The following CSMD1 variants were observed in gnomAD, a reference collection of about 807,000 sequenced individuals.
CSMD1 encodes CUB and sushi domain-containing protein 1.
A neutral mutation model predicts 417.5 loss-of-function variants in CSMD1; 213 were observed. That is an observed-to-expected ratio of 0.51 (90% CI 0.46 to 0.57). The LOEUF (loss-of-function observed/expected upper bound fraction) is 0.57. Among genes scored for constraint, CSMD1 ranks in the 20% least tolerant of loss-of-function variants. The pLI, the probability that CSMD1 is intolerant of heterozygous loss-of-function variation, is 0.00. For missense variants in CSMD1, 6,923 were observed against 4,529.7 expected, an observed-to-expected ratio of 1.53 and a Z score of -15.17; for synonymous variants, 2,862 against 1,736.8, an observed-to-expected ratio of 1.65 and a Z score of -16.11.
chr8:3,911,532 TAAA>T (rs1012148560), intron 5 of CSMD1, among the ~76,000 whole-genome samples: 3 of 114,200 alleles, frequency 2.6e-5, no homozygotes, highest in Non-Finnish European at 4.0e-5. Context: ...CGTCTCAAAA[TAAA>T]AAAAAAAAAA....
chr8:3,778,769 G>C (rs1374066803), intron 5 of CSMD1, among the ~76,000 whole-genome samples: 1 of 152,184 alleles, frequency 6.6e-6, no homozygotes, highest in African/African-American at 2.4e-5. Context: ...GCTTGTGATT[G>C]GGTATCATGG....
chr8:3,526,118 A>T (rs1234380766), intron 10 of CSMD1, among the ~76,000 whole-genome samples: 1 of 152,184 alleles, frequency 6.6e-6, no homozygotes, highest in African/African-American at 2.4e-5. Context: ...AACAGTCTAC[A>T]TTCTGTTTAG....
chr8:3,761,068 G>C (rs553274365), intron 5 of CSMD1, among the ~76,000 whole-genome samples: 1 of 152,136 alleles, frequency 6.6e-6, no homozygotes, highest in Non-Finnish European at 1.5e-5. Context: ...CAAACAGAGA[G>C]TTCCTGACAT....
At chr8:3,167,435 G>C (rs1333481119) in intron 37 of CSMD1, among the ~76,000 whole-genome samples, 45 of 151,412 alleles carry the variant, frequency 3.0e-4, no homozygotes, top group Non-Finnish European at 5.9e-5. Flanking sequence ...ACAACATAAA[G>C]GTAATTCTTG....
intron 1 of CSMD1, among the ~76,000 whole-genome samples, chr8:4,922,183 T>C (rs1399251875): frequency 6.6e-5 from 10 of 152,006 alleles, no homozygotes; most frequent in Admixed American, 1.3e-4. Flanking sequence ...GTACTGCCTG[T>C]GTGTGCGAGT....
At chr8:4,270,537 G>T (rs1409292804) in intron 3 of CSMD1, among the ~76,000 whole-genome samples, 6 of 152,038 alleles carry the variant, frequency 3.9e-5, no homozygotes, top group Admixed American at 3.9e-4. Context: ...ATCCAGCTGT[G>T]ACTAGTACAG....
chr8:3,824,694 T>C (rs1449893166), intron 5 of CSMD1, among the ~76,000 whole-genome samples: 10 of 152,234 alleles, frequency 6.6e-5, no homozygotes, highest in Admixed American at 5.9e-4. Flanking sequence ...ATATTAATTT[T>C]ACCTGTATCT....
chr8:4,060,624 G>A (rs1327660863), intron 3 of CSMD1, among the ~76,000 whole-genome samples: 1 of 152,152 alleles, frequency 6.6e-6, no homozygotes, highest in African/African-American at 2.4e-5. Context: ...CTTAGCGATG[G>A]GGCTACTGGA....
intron 1 of CSMD1, among the ~76,000 whole-genome samples, chr8:4,869,194 C>T (rs1203184073): frequency 1.3e-5 from 2 of 151,658 alleles, no homozygotes; most frequent in Non-Finnish European, 2.9e-5. Flanking sequence ...TTTTGTACAC[C>T]TGCTATAATT....
At chr8:3,687,271 C>G (rs551518899) in intron 7 of CSMD1, among the ~76,000 whole-genome samples, 1 of 152,224 alleles carries the variant, frequency 6.6e-6, no homozygotes, top group South Asian at 2.1e-4. Context: ...TTTCCAGGAC[C>G]AAAAAAGTCT....
intron 3 of CSMD1, among the ~76,000 whole-genome samples, chr8:4,285,471 G>T (rs1025421762): frequency 2.0e-5 from 3 of 152,038 alleles, no homozygotes; most frequent in African/African-American, 7.2e-5. Context: ...AAATAATACA[G>T]AAAAAAAGTG....
At chr8:4,191,413 AAAC>A (rs1406382355) in intron 3 of CSMD1, among the ~76,000 whole-genome samples, 1 of 151,998 alleles carries the variant, frequency 6.6e-6, no homozygotes, top group African/African-American at 2.4e-5. Flanking sequence ...ACAAAAAACA[AAAC>A]AAAACAAAAC....
At chr8:3,657,059 AC>A (rs33970543) in intron 7 of CSMD1, among the ~76,000 whole-genome samples, 60,707 of 151,726 alleles carry the variant, frequency 0.4, 12,736 homozygotes, top group Middle Eastern at 0.48. Flanking sequence ...TTTGGGATAA[AC>A]TTTTCTTCTG....
At chr8:3,608,914 C>G (rs1801754174) in intron 8 of CSMD1, among the ~76,000 whole-genome samples, 1 of 152,154 alleles carries the variant, frequency 6.6e-6, no homozygotes, top group African/African-American at 2.4e-5. Context: ...GCAATGCATG[C>G]TAAGCTGCAG....
intron 1 of CSMD1, among the ~76,000 whole-genome samples, chr8:4,668,939 C>G (rs1393689673): frequency 1.3e-5 from 2 of 152,096 alleles, no homozygotes; most frequent in Non-Finnish European, 2.9e-5. Flanking sequence ...TCTAATTCAT[C>G]TATTATTTCT....
intron 29 of CSMD1, among the ~76,000 whole-genome samples, chr8:3,217,555 A>G (rs1797953539): frequency 6.6e-6 from 1 of 152,090 alleles, no homozygotes. Context: ...GGGGGCTATC[A>G]TAGAATAAGT....
At chr8:4,618,599 G>C (rs921747610) in intron 2 of CSMD1, among the ~76,000 whole-genome samples, 1 of 152,070 alleles carries the variant, frequency 6.6e-6, no homozygotes, top group Admixed American at 6.6e-5. Flanking sequence ...GAAGGCTTTT[G>C]ATGTTTTTCT....
At chr8:4,546,819 TATA>T (rs1291942898) in intron 2 of CSMD1, among the ~76,000 whole-genome samples, 1 of 151,780 alleles carries the variant, frequency 6.6e-6, no homozygotes, top group Middle Eastern at 3.2e-3. Flanking sequence ...TATTTATAAT[TATA>T]ATATTTGTAT....
At chr8:3,622,780 C>A (rs73660394) in intron 7 of CSMD1, among the ~76,000 whole-genome samples, 1,068 of 94,914 alleles carry the variant, frequency 0.011, 14 homozygotes, top group African/African-American at 0.046. Context: ...CTCCATAAAT[C>A]CCAACTATGT....
Sources: allele counts gnomAD v4.1 joint callset (sites outside exome capture counted in the v4.1 genomes callset), GRCh38; gene constraint gnomAD v4.1.1; transcripts MANE v1.5; gene names NCBI Gene and HGNC (gene_info 2026-07-23, HGNC 2026-07-21).